Variants in ZFHX4 observed in about 807,000 individuals in gnomAD.
ZFHX4 encodes the protein zinc finger homeobox 4.
Under a neutral mutation model 267.6 loss-of-function variants are expected in ZFHX4, and 56 were observed. The ratio of observed to expected loss-of-function variants is 0.21; its 90% CI spans 0.17 to 0.26. The LOEUF (loss-of-function observed/expected upper bound fraction) is 0.26. Ranked by LOEUF, ZFHX4 falls within the 10% of genes least tolerant of loss-of-function variation. The pLI, the probability that ZFHX4 is intolerant of heterozygous loss-of-function variation, is 1.00. For synonymous variants in ZFHX4, 1,778 were observed against 1,665.6 expected (o/e 1.07, Z -1.64); for missense variants, 4,332 against 4,420.0 (o/e 0.98, Z 0.56).
At chr8:76,779,191 T>C (rs1810482522) in intron 4 of ZFHX4, among the ~76,000 whole-genome samples, 1 of 152,138 alleles carries the variant, frequency 6.6e-6, no homozygotes, top group Non-Finnish European at 1.5e-5. Context: ...GGATCAAAGG[T>C]GGTTCAGGGT....
intron 3 of ZFHX4, among the ~76,000 whole-genome samples, chr8:76,764,465 T>C (rs960483306): frequency 3.9e-5 from 6 of 152,152 alleles, no homozygotes. Flanking sequence ...AACTGGATGA[T>C]TAAACATTGG....
chr8:76,757,489 G>C (rs1374915515), intron 3 of ZFHX4, among the ~76,000 whole-genome samples: 1 of 152,142 alleles, frequency 6.6e-6, no homozygotes, highest in Non-Finnish European at 1.5e-5. Context: ...TCAACCACTG[G>C]AGACTTTTAA....
chr8:76,746,045 G>C (rs1048480666), intron 3 of ZFHX4, among the ~76,000 whole-genome samples: 2 of 152,040 alleles, frequency 1.3e-5, no homozygotes, highest in African/African-American at 2.4e-5. Flanking sequence ...GTAGGGTGTC[G>C]GTTCTCAGGG....
chr8:76,822,450 C>CTGTTTTTTTTTTTTTTTT (rs1418711368), intron 4 of ZFHX4, among the ~76,000 whole-genome samples: 2 of 137,416 alleles, frequency 1.5e-5, no homozygotes, highest in Non-Finnish European at 3.1e-5. Flanking sequence ...CTGTGTCTAC[C>CTGTTTTTTTTTTTTTTTT]TCTTTTTTTT....
intron 1 of ZFHX4, among the ~76,000 whole-genome samples, chr8:76,699,403 C>T (rs1808043166): frequency 6.6e-6 from 1 of 152,098 alleles, no homozygotes; most frequent in Non-Finnish European, 1.5e-5. Flanking sequence ...AAAAGTTACA[C>T]AATCTTTCAT....
chr8:76,773,225 T>A (rs1810314372), intron 3 of ZFHX4, among the ~76,000 whole-genome samples: 1 of 152,056 alleles, frequency 6.6e-6, no homozygotes, highest in Non-Finnish European at 1.5e-5. Flanking sequence ...CTAGAAAAAA[T>A]TTAATATAGA....
chr8:76,782,106 T>A, intron 4 of ZFHX4: 1 of 266,568 alleles, frequency 3.8e-6, no homozygotes, highest in Non-Finnish European at 7.0e-6. Flanking sequence ...AAGAATTTTT[T>A]TTTTTTTTTT....
chr8:76,796,324 T>C (rs1347600776), intron 4 of ZFHX4, among the ~76,000 whole-genome samples: 2 of 152,200 alleles, frequency 1.3e-5, no homozygotes, highest in African/African-American at 4.8e-5. Context: ...CTGATTTCTA[T>C]AGAATATGTA....
At chr8:76,792,830 A>G (rs1356667503) in intron 4 of ZFHX4, among the ~76,000 whole-genome samples, 1 of 152,136 alleles carries the variant, frequency 6.6e-6, no homozygotes, top group African/African-American at 2.4e-5. Context: ...CACCCCTGCC[A>G]TTAACTGTCA....
chr8:76,726,699 A>G (rs1808863451), intron 3 of ZFHX4, among the ~76,000 whole-genome samples: 1 of 152,192 alleles, frequency 6.6e-6, no homozygotes, highest in South Asian at 2.1e-4. Context: ...ACGTTGAACT[A>G]CAATGAGAGT....
chr8:76,745,132 C>T (rs113028890), intron 3 of ZFHX4, among the ~76,000 whole-genome samples: 11 of 152,204 alleles, frequency 7.2e-5, no homozygotes, highest in Non-Finnish European at 1.2e-4. Context: ...CTATAAAACC[C>T]GGTTTAAAAA....
intron 6 of ZFHX4, among the ~76,000 whole-genome samples, chr8:76,848,614 A>G (rs976048383): frequency 4.6e-5 from 7 of 152,198 alleles, no homozygotes; most frequent in African/African-American, 1.7e-4. Flanking sequence ...AGAATTTTAG[A>G]AAAGAGATAG....
chr8:76,864,324 G>A lies in ZFHX4; in HGVS notation c.10610G>A (p.Arg3537Lys). The change falls in exon 11 of 11, where the codon AGA (arginine) becomes AAA (lysine). Residue 3537 changes from arginine (R) to lysine (K), a missense_variant. Coordinates refer to ENST00000651372, the MANE Select transcript of ZFHX4 (RefSeq NM_024721.5). ...ATCCTTTTCCAAGCGTCTGCCAGGAGAGCTGCTTCTCCCCCTTCTTCTCCT... is the reference window on the plus strand; with the variant it reads ...ATCCTTTTCCAAGCGTCTGCCAGGAAAGCTGCTTCTCCCCCTTCTTCTCCT... ...PNILFQASAR[R>K]AASPPSSPPS... 6.2e-7 allele frequency: 1 copy of A among 1,613,754 alleles called. No individual in the cohort carries two copies. The highest frequency in any genetic ancestry group is 8.5e-7 in the Non-Finnish European group (1 of 1,179,834).
intron 3 of ZFHX4, among the ~76,000 whole-genome samples, chr8:76,728,553 G>T (rs1808916107): frequency 6.6e-6 from 1 of 152,202 alleles, no homozygotes; most frequent in African/African-American, 2.4e-5. Flanking sequence ...AAATTGGAAA[G>T]TCTGCCCCAT....
At chr8:76,702,247 T>A (rs957431340) in intron 1 of ZFHX4, among the ~76,000 whole-genome samples, 12 of 152,284 alleles carry the variant, frequency 7.9e-5, no homozygotes, top group African/African-American at 2.4e-4. Context: ...GCAATTAGAA[T>A]GTCAGATACC....
intron 3 of ZFHX4, among the ~76,000 whole-genome samples, chr8:76,735,849 A>G (rs1229609458): frequency 2.6e-5 from 4 of 151,998 alleles, no homozygotes; most frequent in African/African-American, 9.7e-5. Flanking sequence ...GCTTTCTTTC[A>G]AGGTAATTTA....
chr8:76,855,703 G>T lies in ZFHX4; in HGVS notation c.8782G>T (p.Gly2928Cys). Reference protein sequence around the residue: ...PFKSKSNDRPGHKRFRTQMSN... With the variant: ...PFKSKSNDRPCHKRFRTQMSN... ...TAAATCCAAAAGTAATGATCGGCCG[G>T]GTCACAAGCGTTTTCGAACGCAAAT... is the stretch of plus-strand genomic sequence containing the variant. Residue 2928 changes from glycine (G) to cysteine (C), a missense_variant, in exon 10 of 11, where the codon GGT (glycine) becomes TGT (cysteine). Gly to Cys is a radical substitution (Grantham distance 159, BLOSUM62 -3). Around this residue, in one of 7 missense-constraint regions of ZFHX4, gnomAD observed 1,648 missense variants for 1,625.0 expected, o/e 1.01. Transcript: ENST00000651372. 6.2e-7 allele frequency: 1 copy of T among 1,613,778 alleles called. No homozygotes were observed. Among genetic ancestry groups the T allele is most frequent in the African/African-American group, 1.3e-5 (1 of 74,974 alleles).
intron 5 of ZFHX4, among the ~76,000 whole-genome samples, chr8:76,840,969 A>G (rs1812219143): frequency 6.6e-6 from 1 of 152,236 alleles, no homozygotes; most frequent in Non-Finnish European, 1.5e-5. Context: ...GGCTAGCGCC[A>G]GAAGAGGTGT....
Position 76,705,118 on chromosome 8 carries a change from G to T in ZFHX4, c.1030G>T (p.Val344Phe). The T allele has an allele frequency of 1.9e-6, 3 of 1,613,640 alleles. No homozygotes were observed. The South Asian group carries it at 3.3e-5, about 18-fold the overall frequency. The change falls in exon 2 of 11, where the codon GTT (valine) becomes TTT (phenylalanine). Residue 344 changes from valine (V) to phenylalanine (F), a missense_variant. Val to Phe is a conservative substitution (Grantham distance 50). Around this residue, in one of 7 missense-constraint regions of ZFHX4, gnomAD observed 1,195 missense variants for 1,173.6 expected, o/e 1.02. Transcript: ENST00000651372. ...SFLEPKKSTS[V>F]YPHFSTTNLI... ...TCTGGAACCAAAAAAATCCACTTCTGTTTATCCCCATTTTTCTACTACAAA... is the reference window on the plus strand; with the variant it reads ...TCTGGAACCAAAAAAATCCACTTCTTTTTATCCCCATTTTTCTACTACAAA...
Sources: allele counts gnomAD v4.1 joint callset (sites outside exome capture counted in the v4.1 genomes callset), GRCh38; gene constraint gnomAD v4.1.1; regional missense constraint gnomAD v4.1.1; transcripts MANE v1.5; gene names NCBI Gene and HGNC (gene_info 2026-07-23, HGNC 2026-07-21).